SLCO6A1: variants seen among roughly 807,000 people sequenced by gnomAD.
SLCO6A1 encodes the protein cancer/testis antigen 48.
A neutral mutation model predicts 72.7 loss-of-function variants in SLCO6A1; 65 were observed. The observed-to-expected ratio is 0.89, with a 90% confidence interval of 0.73 to 1.10. The LOEUF (loss-of-function observed/expected upper bound fraction) is 1.10, where lower values mean the gene tolerates loss of function less well. Ranked by LOEUF, SLCO6A1 falls within the 50% of genes least tolerant of loss-of-function variation. SLCO6A1 has a pLI of 0.00. For synonymous variants in SLCO6A1, 314 were observed against 298.2 expected (o/e 1.05, Z -0.55); for missense variants, 874 against 872.6 (o/e 1.00, Z -0.02).
chr5:102,481,894 A>T (rs1424286283), intron 1 of SLCO6A1, among the ~76,000 whole-genome samples: 3 of 152,192 alleles, frequency 2.0e-5, no homozygotes, highest in African/African-American at 7.2e-5. Context: ...AGTTAAGCAA[A>T]TATGTCACAG....
Position 102,447,323 on chromosome 5 carries a change from G to A in SLCO6A1, c.1132-8562C>T, listed in dbSNP as rs886773129. Among the ~76,000 whole-genome samples the A allele has an allele frequency of 7.9e-5, 12 of 152,232 alleles. 1 individual carries two copies. The East Asian group carries it at 1.7e-3, about 22-fold the overall frequency. Reference sequence around the variant, plus strand: ...TTCATCAGGGATATTGGCCTGAAGCGTTCTTATTTCACTTGTGTCTCTGCC... The same window carrying A: ...TTCATCAGGGATATTGGCCTGAAGCATTCTTATTTCACTTGTGTCTCTGCC... On this transcript the variant is annotated intron_variant, in intron 6 of 13. Transcript: ENST00000506729.
At chr5:102,393,873 A>C (rs541249860) in intron 10 of SLCO6A1, among the ~76,000 whole-genome samples, 10 of 152,304 alleles carry the variant, frequency 6.6e-5, no homozygotes, top group African/African-American at 2.4e-4. Flanking sequence ...CAGATACATC[A>C]TGATTCTTTT....
At chr5:102,379,325 T>G (rs746866495) in intron 12 of SLCO6A1, among the ~76,000 whole-genome samples, 110 of 152,274 alleles carry the variant, frequency 7.2e-4, no homozygotes, top group Non-Finnish European at 1.2e-3. Context: ...GTGCTTCATG[T>G]GTCCTGTTTA....
chr5:102,495,317 G>A (rs563561974), intron 1 of SLCO6A1, among the ~76,000 whole-genome samples: 3 of 152,326 alleles, frequency 2.0e-5, no homozygotes, highest in South Asian at 4.1e-4. Flanking sequence ...GCATTGGCTG[G>A]GCATGGTGGC....
At chr5:102,432,882 T>A (rs1376271639) in intron 7 of SLCO6A1, among the ~76,000 whole-genome samples, 1 of 152,208 alleles carries the variant, frequency 6.6e-6, no homozygotes, top group Non-Finnish European at 1.5e-5. Context: ...GTTGCTTCCA[T>A]CCTCCCTATC....
At chr5:102,389,810 C>A (rs540370982) in intron 11 of SLCO6A1, among the ~76,000 whole-genome samples, 2 of 151,696 alleles carry the variant, frequency 1.3e-5, no homozygotes, top group African/African-American at 4.8e-5. Flanking sequence ...TGTTAGACTT[C>A]AGCAAAAGCC....
At chr5:102,407,868 G>C (rs553759099) in intron 9 of SLCO6A1, among the ~76,000 whole-genome samples, 1 of 152,098 alleles carries the variant, frequency 6.6e-6, no homozygotes, top group East Asian at 1.9e-4. Flanking sequence ...TCTTTCCAAG[G>C]CCCTCCAGAA....
At position 102,496,071 on chromosome 5, in the gene SLCO6A1, A is replaced by T. The variant is rs114265802; in HGVS notation, c.358+2416T>A. ...GGGACCACCAGTTCATAATTGGATG[A>T]TAGTATTGTACTGATATTCCTGCCT... On this transcript the variant is annotated intron_variant, in intron 1 of 13. Transcript: ENST00000506729. Among the ~76,000 whole-genome samples, 504 of 152,330 alleles carry T rather than the reference A, an allele frequency of 3.3e-3. 1 individual carries two copies. The highest frequency in any genetic ancestry group is 0.011 in the African/African-American group (477 of 41,578).
chr5:102,490,714 T>TA (rs962380251), intron 1 of SLCO6A1, among the ~76,000 whole-genome samples: 3 of 152,180 alleles, frequency 2.0e-5, no homozygotes, highest in Non-Finnish European at 4.4e-5. Context: ...TGGTGAGTGT[T>TA]ACAGCTCTTC....
chr5:102,480,210 C>A lies in SLCO6A1; in HGVS notation c.583G>T (p.Glu195Ter). Residue 195 changes from glutamate to a stop codon, truncating the protein, a stop_gained, in exon 2 of 14, where the codon GAA (glutamate) becomes TAA (stop). Transcript: ENST00000506729. LOFTEE classifies it high-confidence loss of function. ...CCTACCTTACTTTGTTTATTTTCTT[C>A]ATTAATGGATGGAAAAGCACATAAA... ...SLLCAFPSIN[E>*]ENKQSKVGIE... The A allele has an allele frequency of 6.2e-7, 1 of 1,610,902 alleles. No individual in the cohort carries two copies. The highest frequency in any genetic ancestry group is 8.5e-7 in the Non-Finnish European group (1 of 1,178,332).
intron 12 of SLCO6A1, among the ~76,000 whole-genome samples, chr5:102,386,274 C>CT (rs768929289): frequency 6.6e-6 from 1 of 152,116 alleles, no homozygotes; most frequent in Non-Finnish European, 1.5e-5. Flanking sequence ...GACTTTTTGA[C>CT]TGAGCCCATG....
At chr5:102,424,734 C>G (rs781403823) in intron 7 of SLCO6A1, among the ~76,000 whole-genome samples, 4 of 152,028 alleles carry the variant, frequency 2.6e-5, no homozygotes, top group East Asian at 3.9e-4. Context: ...CTATTCCAAA[C>G]AATAGAAAAA....
At chr5:102,450,453 C>A (rs529267300) in intron 6 of SLCO6A1, among the ~76,000 whole-genome samples, 1 of 152,250 alleles carries the variant, frequency 6.6e-6, no homozygotes, top group Non-Finnish European at 1.5e-5. Context: ...ACTTAAGCAT[C>A]ATGGCCAGTA....
At chr5:102,472,743 T>C (rs546769903) in intron 4 of SLCO6A1, among the ~76,000 whole-genome samples, 1 of 150,442 alleles carries the variant, frequency 6.6e-6, no homozygotes, top group African/African-American at 2.4e-5. Flanking sequence ...CCAGAGAAAT[T>C]AAGAAAAAAG....
At chr5:102,395,935 A>G (rs1403856939) in intron 10 of SLCO6A1, among the ~76,000 whole-genome samples, 3 of 151,910 alleles carry the variant, frequency 2.0e-5, no homozygotes, top group Non-Finnish European at 2.9e-5. Context: ...TAGATTCTGG[A>G]TATTAGCCCT....
chr5:102,485,627 G>A (rs1021161942), intron 1 of SLCO6A1, among the ~76,000 whole-genome samples: 2 of 152,150 alleles, frequency 1.3e-5, no homozygotes, highest in Admixed American at 6.5e-5. Context: ...TACACGTGTT[G>A]GGAGAAATAA....
chr5:102,456,907 T>C (rs1438625607), intron 6 of SLCO6A1, among the ~76,000 whole-genome samples: 9 of 152,066 alleles, frequency 5.9e-5, no homozygotes, highest in Admixed American at 5.9e-4. Context: ...AACAGAGATA[T>C]AGACCAATGG....
chr5:102,425,416 G>A (rs1236848669), intron 7 of SLCO6A1, among the ~76,000 whole-genome samples: 1 of 152,104 alleles, frequency 6.6e-6, no homozygotes, highest in South Asian at 2.1e-4. Flanking sequence ...AGAAACTTTG[G>A]CAAAGTCTCA....
chr5:102,472,727 C>A (rs150791845), intron 4 of SLCO6A1, among the ~76,000 whole-genome samples: 149 of 151,360 alleles, frequency 9.8e-4, no homozygotes, highest in African/African-American at 3.5e-3. Context: ...AATTGACAAA[C>A]CTTGGCCAGA....
Sources: gnomAD v4.1 joint callset for allele counts (sites outside exome capture counted in the v4.1 genomes callset) on GRCh38, gnomAD v4.1.1 for gene constraint, MANE v1.5 for transcripts, NCBI Gene and HGNC (gene_info 2026-07-23, HGNC 2026-07-21) for gene names.